Variants in MARCHF1 observed in about 807,000 individuals in gnomAD.
MARCHF1 encodes the protein E3 ubiquitin-protein ligase MARCHF1.
A neutral mutation model predicts 54.2 loss-of-function variants in MARCHF1; 40 were observed. The observed-to-expected ratio is 0.74, with a 90% CI of 0.57 to 0.96. MARCHF1 has a LOEUF of 0.96. Among genes scored for constraint, MARCHF1 ranks in the 40% least tolerant of loss-of-function variants. MARCHF1 has a pLI of 0.00. For synonymous variants in MARCHF1, 236 were observed against 236.3 expected (o/e 1.00, Z 0.01); for missense variants, 586 against 656.5 (o/e 0.89, Z 1.17).
chr4:163,619,354 T>C (rs992105742), intron 5 of MARCHF1, among the ~76,000 whole-genome samples: 2 of 152,242 alleles, frequency 1.3e-5, no homozygotes, highest in Non-Finnish European at 2.9e-5. Context: ...AAGGGATAGT[T>C]TGAGCAATCA....
chr4:163,762,414 G>T (rs972047273), intron 4 of MARCHF1, among the ~76,000 whole-genome samples: 2 of 152,098 alleles, frequency 1.3e-5, no homozygotes, highest in Non-Finnish European at 2.9e-5. Flanking sequence ...CCTGGAATAT[G>T]TATTTAGAAA....
intron 2 of MARCHF1, among the ~76,000 whole-genome samples, chr4:164,037,825 A>G (rs1754042022): frequency 6.6e-6 from 1 of 152,234 alleles, no homozygotes; most frequent in African/African-American, 2.4e-5. Flanking sequence ...TGATAGTTGC[A>G]ACAGCTTAAT....
intron 1 of MARCHF1, among the ~76,000 whole-genome samples, chr4:164,363,840 T>C (rs917806428): frequency 1.3e-5 from 2 of 151,838 alleles, no homozygotes; most frequent in Admixed American, 6.6e-5. Flanking sequence ...AGCTCTCCTA[T>C]TGAGTAGAGA....
chr4:163,950,594 G>A (rs1284542905), intron 3 of MARCHF1, among the ~76,000 whole-genome samples: 1 of 152,170 alleles, frequency 6.6e-6, no homozygotes, highest in African/African-American at 2.4e-5. Flanking sequence ...AGGGGGCATG[G>A]CTTCTTCCTG....
intron 9 of MARCHF1, among the ~76,000 whole-genome samples, chr4:163,543,517 G>A (rs1738793020): frequency 6.6e-6 from 1 of 151,998 alleles, no homozygotes; most frequent in Non-Finnish European, 1.5e-5. Flanking sequence ...TCAGAAGATA[G>A]GTGGATGTAT....
intron 8 of MARCHF1, among the ~76,000 whole-genome samples, chr4:163,549,883 T>C (rs1739042531): frequency 6.6e-6 from 1 of 152,214 alleles, no homozygotes; most frequent in African/African-American, 2.4e-5. Flanking sequence ...TTCAAATTAC[T>C]TGCATTATAT....
chr4:164,381,563 A>G (rs1200557624), intron 1 of MARCHF1, among the ~76,000 whole-genome samples: 3 of 152,204 alleles, frequency 2.0e-5, no homozygotes, highest in Non-Finnish European at 4.4e-5. Context: ...CGCTAAAGGT[A>G]ATATCATATG....
intron 4 of MARCHF1, among the ~76,000 whole-genome samples, chr4:163,751,805 C>CGTGTGTGT (rs72029488): frequency 0.046 from 5,726 of 124,470 alleles, 158 homozygotes; most frequent in African/African-American, 0.08. Context: ...CACATGTGCA[C>CGTGTGTGT]GTGTGTGTGT....
intron 1 of MARCHF1, among the ~76,000 whole-genome samples, chr4:164,182,716 T>C (rs1387859079): frequency 1.3e-5 from 2 of 151,954 alleles, no homozygotes; most frequent in African/African-American, 2.4e-5. Context: ...AGAAGAAGCT[T>C]CCCAAGTCAG....
chr4:164,241,972 G>A (rs2111212511), intron 1 of MARCHF1, among the ~76,000 whole-genome samples: 1 of 152,344 alleles, frequency 6.6e-6, no homozygotes, highest in African/African-American at 2.4e-5. Context: ...GGCTCGGAGG[G>A]TCCTATGCCC....
chr4:164,278,851 T>C (rs1034705176), intron 1 of MARCHF1, among the ~76,000 whole-genome samples: 2 of 152,164 alleles, frequency 1.3e-5, no homozygotes, highest in African/African-American at 4.8e-5. Context: ...GATTATTGTA[T>C]TTTATTTTTT....
chr4:163,690,654 AAGG>A (rs1744417010), intron 5 of MARCHF1, among the ~76,000 whole-genome samples: 1 of 152,220 alleles, frequency 6.6e-6, no homozygotes, highest in African/African-American at 2.4e-5. Flanking sequence ...TACACAATTT[AAGG>A]ACCATATTAC....
At chr4:163,533,340 TAGG>T in intron 9 of MARCHF1, among the ~76,000 whole-genome samples, 1 of 151,852 alleles carries the variant, frequency 6.6e-6, no homozygotes, top group East Asian at 1.9e-4. Context: ...GCCAACAGTT[TAGG>T]AGGAGAAAGG....
At chr4:164,269,870 G>A (rs1043036564) in intron 1 of MARCHF1, among the ~76,000 whole-genome samples, 2 of 152,046 alleles carry the variant, frequency 1.3e-5, no homozygotes, top group Admixed American at 6.6e-5. Context: ...GTTACATAGC[G>A]TTATTTGTTT....
At chr4:163,626,061 T>C (rs1741860501) in intron 5 of MARCHF1, among the ~76,000 whole-genome samples, 1 of 152,222 alleles carries the variant, frequency 6.6e-6, no homozygotes, top group African/African-American at 2.4e-5. Flanking sequence ...ATATGTTCTT[T>C]GAAATGAAGC....
chr4:163,532,114 A>G (rs910176971), intron 9 of MARCHF1, among the ~76,000 whole-genome samples: 3 of 151,888 alleles, frequency 2.0e-5, no homozygotes, highest in African/African-American at 7.2e-5. Context: ...GTGTATATGG[A>G]GAGCAAAAGA....
chr4:164,038,509 A>C (rs888980598), intron 2 of MARCHF1, among the ~76,000 whole-genome samples: 1 of 152,136 alleles, frequency 6.6e-6, no homozygotes, highest in Non-Finnish European at 1.5e-5. Context: ...ATAAATAAAA[A>C]TAAAATAAAA....
intron 1 of MARCHF1, among the ~76,000 whole-genome samples, chr4:164,199,675 CACACACAG>C (rs1170865841): frequency 5.5e-4 from 30 of 54,468 alleles, no homozygotes; most frequent in African/African-American, 2.8e-3. Flanking sequence ...CACACACACA[CACACACAG>C]AGAGAGAGAG....
At chr4:163,760,453 A>G (rs1746796966) in intron 4 of MARCHF1, among the ~76,000 whole-genome samples, 1 of 152,142 alleles carries the variant, frequency 6.6e-6, no homozygotes, top group Non-Finnish European at 1.5e-5. Flanking sequence ...TCCATACATA[A>G]CTAGTTTATT....
Sources: allele counts gnomAD v4.1 joint callset (sites outside exome capture counted in the v4.1 genomes callset), GRCh38; gene constraint gnomAD v4.1.1; transcripts MANE v1.5; gene names NCBI Gene and HGNC (gene_info 2026-07-23, HGNC 2026-07-21).